Variants in LARGE1 observed in about 807,000 individuals in gnomAD.
LARGE1 encodes the protein LARGE xylosyl- and glucuronyltransferase 1, also known as xylosyl- and glucuronyltransferase LARGE1.
Under a neutral mutation model 87.6 loss-of-function variants are expected in LARGE1, and 43 were observed. That is an observed-to-expected ratio of 0.49 (90% CI 0.38 to 0.63). The LOEUF (loss-of-function observed/expected upper bound fraction) is 0.63. LARGE1 is among the 30% of genes least tolerant of loss of function. The pLI is 0.00. For missense variants in LARGE1, 802 were observed against 1,000.2 expected, an observed-to-expected ratio of 0.80 and a Z score of 2.67; for synonymous variants, 434 against 394.6, an observed-to-expected ratio of 1.10 and a Z score of -1.18.
chr22:33,827,953 T>C (rs1217931022), intron 1 of LARGE1, among the ~76,000 whole-genome samples: 1 of 152,128 alleles, frequency 6.6e-6, no homozygotes, highest in Non-Finnish European at 1.5e-5. Context: ...TTGAAAGCCA[T>C]TGTCCTATGG....
chr22:33,698,463 G>A (rs1169299201), intron 2 of LARGE1, among the ~76,000 whole-genome samples: 2 of 150,798 alleles, frequency 1.3e-5, no homozygotes, highest in African/African-American at 4.9e-5. Flanking sequence ...ACCACGCTCG[G>A]CTAATTTTTG....
the LARGE1 span, among the ~76,000 whole-genome samples, chr22:33,113,886 T>A: frequency 6.6e-6 from 1 of 151,968 alleles, no homozygotes; most frequent in Non-Finnish European, 1.5e-5. Context: ...TTTTTTTTTT[T>A]TTGAGACGGA....
chr22:33,642,484 G>A (rs897008500), intron 3 of LARGE1, among the ~76,000 whole-genome samples: 2 of 151,914 alleles, frequency 1.3e-5, no homozygotes, highest in African/African-American at 2.4e-5. Context: ...CAACTAATGT[G>A]CAAAATAACC....
chr22:33,603,216 T>A (rs2079158120), intron 5 of LARGE1, among the ~76,000 whole-genome samples: 1 of 152,194 alleles, frequency 6.6e-6, no homozygotes, highest in Admixed American at 6.5e-5. Context: ...CTATTAAAAA[T>A]GCTATGGCTC....
intron 14 of LARGE1, among the ~76,000 whole-genome samples, chr22:33,276,064 A>G (rs1454758779): frequency 6.6e-6 from 1 of 152,180 alleles, no homozygotes; most frequent in Non-Finnish European, 1.5e-5. Context: ...TATTGGAACT[A>G]TTGGAAGGAA....
chr22:33,510,485 A>G (rs2071004187), intron 6 of LARGE1, among the ~76,000 whole-genome samples: 1 of 152,150 alleles, frequency 6.6e-6, no homozygotes, highest in Non-Finnish European at 1.5e-5. Flanking sequence ...TGACTGCTAT[A>G]CTCTATCACC....
At position 33,408,433 on chromosome 22, in the gene LARGE1, G is replaced by A. The variant is rs139262263; in HGVS notation, c.892+23728C>T. Among the ~76,000 whole-genome samples the A allele has an allele frequency of 4.9e-4, 74 of 152,316 alleles. No homozygotes were observed. The East Asian group carries it at 8.5e-3, about 17-fold the overall frequency. ...TGCACACATGTTTTTGTGTAAGGTC[G>A]TGAGGTGTTTGTGCAAGGCTGTGTT... On this transcript the variant is annotated intron_variant, in intron 7 of 14. Transcript: ENST00000397394.
chr22:33,480,642 T>C (rs537738219), intron 6 of LARGE1, among the ~76,000 whole-genome samples: 50 of 152,228 alleles, frequency 3.3e-4, no homozygotes, highest in Admixed American at 5.9e-4. Context: ...GCATTTTATC[T>C]TTATTTCTGA....
intron 12 of LARGE1, among the ~76,000 whole-genome samples, chr22:33,291,143 G>A (rs1049914080): frequency 3.9e-5 from 6 of 152,088 alleles, no homozygotes; most frequent in Non-Finnish European, 7.4e-5. Flanking sequence ...ATGTCACAAC[G>A]CTGGCCAATT....
At chr22:33,321,284 C>A (rs5998872) in intron 10 of LARGE1, among the ~76,000 whole-genome samples, 5 of 152,346 alleles carry the variant, frequency 3.3e-5, no homozygotes, top group African/African-American at 1.2e-4. Context: ...CAAACCTCAC[C>A]TGAAGGAGAC....
chr22:33,290,485 A>C (rs75912077), intron 12 of LARGE1, among the ~76,000 whole-genome samples: 1 of 152,216 alleles, frequency 6.6e-6, no homozygotes, highest in South Asian at 2.1e-4. Context: ...GGAGCCAGCA[A>C]TGGGAACTCC....
chr22:33,835,261 G>A (rs2063079705), intron 1 of LARGE1, among the ~76,000 whole-genome samples: 1 of 152,184 alleles, frequency 6.6e-6, no homozygotes, highest in South Asian at 2.1e-4. Context: ...TAAGTGTCCT[G>A]TCATTTACAA....
In LARGE1 at chr22:33,846,192, G is replaced by A. The variant is rs535804529; in HGVS notation, c.-83+73803C>T. On this transcript the variant is annotated intron_variant, in intron 1 of 14. Transcript: ENST00000397394. The stretch of plus-strand genomic sequence containing the variant: ...GTCAGGGACCCCAAACGGAGGGACC[G>A]GCTGAAGCCATGGCAGAAGAATGTG... 4.4e-4 allele frequency among the ~76,000 whole-genome samples: 67 copies of A among 152,310 alleles called. 1 individual carries two copies. The South Asian group carries it at 0.012, about 26-fold the overall frequency.
In LARGE1 at chr22:33,216,393, C is replaced by A. The variant is rs149097370; in HGVS notation, c.1731-49561G>T. Among the ~76,000 whole-genome samples, 199 of 152,166 alleles carry A rather than the reference C, an allele frequency of 1.3e-3. 7 individuals are homozygous for A. The East Asian group carries it at 0.038, about 29-fold the overall frequency. On this transcript the variant is annotated intron_variant, in intron 11 of 11. Coordinates refer to the LARGE1 transcript ENST00000608642. The stretch of plus-strand genomic sequence containing the variant: ...CCTGTAATCCCAGCACTTAGGGAGG[C>A]CGAGGCAGGTAGATCACAAGGTCAG...
At position 33,530,795 on chromosome 22, in the gene LARGE1, T is replaced by G. The variant is rs541018963; in HGVS notation, c.787+34053A>C. Among the ~76,000 whole-genome samples, 23 of 152,310 alleles carry G rather than the reference T, an allele frequency of 1.5e-4. No homozygotes were observed. The East Asian group carries it at 4.2e-3, about 28-fold the overall frequency. ...ATGAACTGTCATGCAGATTCAAATT[T>G]GAGAAATAGCAGCCTACATGATGCA... On this transcript the variant is annotated intron_variant, in intron 6 of 14. Coordinates refer to ENST00000397394, the MANE Select transcript of LARGE1 (RefSeq NM_133642.5).
chr22:33,094,433 TCTCA>T, the LARGE1 span, among the ~76,000 whole-genome samples: 1 of 152,112 alleles, frequency 6.6e-6, no homozygotes, highest in Non-Finnish European at 1.5e-5. Flanking sequence ...TCCACTCTCG[TCTCA>T]GCTAAACTTC....
At chr22:33,847,194 A>T (rs919931127) in intron 1 of LARGE1, among the ~76,000 whole-genome samples, 2 of 152,318 alleles carry the variant, frequency 1.3e-5, no homozygotes, top group African/African-American at 4.8e-5. Flanking sequence ...ATAGAAAAGA[A>T]CCTACGTGAC....
chr22:33,127,794 A>T, the LARGE1 span, among the ~76,000 whole-genome samples: 1 of 152,232 alleles, frequency 6.6e-6, no homozygotes, highest in African/African-American at 2.4e-5. Context: ...ATCAGACCAC[A>T]TATCCCTTTC....
intron 9 of LARGE1, among the ~76,000 whole-genome samples, chr22:33,342,485 T>C (rs1048080788): frequency 2.5e-4 from 38 of 152,288 alleles, no homozygotes; most frequent in Non-Finnish European, 2.6e-4. Flanking sequence ...AGCTGGTAAG[T>C]TGCAGTGCTG....
Sources: allele counts gnomAD v4.1 joint callset (sites outside exome capture counted in the v4.1 genomes callset), GRCh38; gene constraint gnomAD v4.1.1; transcripts MANE v1.5; gene names NCBI Gene and HGNC (gene_info 2026-07-23, HGNC 2026-07-21).